Variants in PDE1C observed in about 807,000 individuals in gnomAD.
The protein encoded by PDE1C is phosphodiesterase 1C.
Under a neutral mutation model 93.1 loss-of-function variants are expected in PDE1C, and 62 were observed. The ratio of observed to expected loss-of-function variants is 0.67; its 90% confidence interval spans 0.54 to 0.82. The LOEUF (loss-of-function observed/expected upper bound fraction) is 0.82, where lower values mean the gene tolerates loss of function less well. Ranked by LOEUF, PDE1C falls within the 40% of genes least tolerant of loss-of-function variation. PDE1C has a pLI of 0.00. For missense variants in PDE1C, 742 were observed against 884.6 expected, an observed-to-expected ratio of 0.84 and a Z score of 2.04; for synonymous variants, 325 against 310.1, an observed-to-expected ratio of 1.05 and a Z score of -0.50.
intron 1 of PDE1C, among the ~76,000 whole-genome samples, chr7:32,339,493 T>A (rs1375032591): frequency 6.6e-6 from 1 of 152,218 alleles, no homozygotes. Flanking sequence ...GGTTAGATGA[T>A]ACATTTTACA....
the PDE1C span, among the ~76,000 whole-genome samples, chr7:31,715,859 G>C: frequency 6.6e-6 from 1 of 152,190 alleles, no homozygotes; most frequent in Non-Finnish European, 1.5e-5. Flanking sequence ...ACTGTTCCAT[G>C]AGACTTCTAA....
intron 6 of PDE1C, 99 bp from the exon 7 acceptor site, chr7:31,865,181 T>G: frequency 8.6e-7 from 1 of 1,158,486 alleles, no homozygotes; most frequent in Non-Finnish European, 1.3e-6. Flanking sequence ...TCTGAAGGCA[T>G]AACACATGAG....
At chr7:32,228,241 G>A (rs563453769) in intron 1 of PDE1C, among the ~76,000 whole-genome samples, 7 of 152,276 alleles carry the variant, frequency 4.6e-5, no homozygotes, top group South Asian at 2.1e-4. Context: ...AGACACATGC[G>A]TTGTGTTTCT....
At chr7:31,898,705 T>C (rs1799610236) in intron 2 of PDE1C, among the ~76,000 whole-genome samples, 1 of 152,354 alleles carries the variant, frequency 6.6e-6, no homozygotes, top group South Asian at 2.1e-4. Flanking sequence ...TGCTTATTGC[T>C]AAGCATCTAA....
chr7:31,740,023 T>C, the PDE1C span, among the ~76,000 whole-genome samples: 2 of 152,208 alleles, frequency 1.3e-5, no homozygotes, highest in African/African-American at 4.8e-5. Flanking sequence ...GGCTGTCATT[T>C]CCTATCTTAC....
the PDE1C span, among the ~76,000 whole-genome samples, chr7:31,694,368 GCT>G: frequency 1.2e-4 from 14 of 119,282 alleles, no homozygotes; most frequent in Admixed American, 1.7e-4. Context: ...AACAATTTTA[GCT>G]CTCTCTCTCT....
At chr7:32,372,736 T>A (rs1239265387) in intron 1 of PDE1C, among the ~76,000 whole-genome samples, 4 of 152,148 alleles carry the variant, frequency 2.6e-5, no homozygotes, top group Non-Finnish European at 5.9e-5. Flanking sequence ...TCATACAGAA[T>A]ATACAAGGAA....
chr7:32,415,731 T>TC (rs981600559), intron 1 of PDE1C, among the ~76,000 whole-genome samples: 4 of 151,984 alleles, frequency 2.6e-5, no homozygotes, highest in Non-Finnish European at 1.5e-5. Context: ...AAGCGCTACG[T>TC]CCTTTCCTTC....
At chr7:32,363,622 G>A (rs921598503) in intron 1 of PDE1C, among the ~76,000 whole-genome samples, 1 of 152,162 alleles carries the variant, frequency 6.6e-6, no homozygotes, top group Middle Eastern at 3.2e-3. Flanking sequence ...TTTAACAAAT[G>A]GATCAGAATG....
At chr7:31,780,373 G>C (rs1783313885) in intron 16 of PDE1C, among the ~76,000 whole-genome samples, 1 of 152,138 alleles carries the variant, frequency 6.6e-6, no homozygotes, top group South Asian at 2.1e-4. Flanking sequence ...CTTAGACCCA[G>C]TTTATGGCAT....
At chr7:32,297,267 TG>T (rs1812650257) in intron 1 of PDE1C, among the ~76,000 whole-genome samples, 1 of 152,152 alleles carries the variant, frequency 6.6e-6, no homozygotes, top group Non-Finnish European at 1.5e-5. Context: ...GGTCTCTTCT[TG>T]GCCCTAGTAC....
intron 17 of PDE1C, among the ~76,000 whole-genome samples, chr7:31,766,161 G>C (rs896411997): frequency 1.3e-4 from 20 of 152,140 alleles, no homozygotes; most frequent in African/African-American, 4.8e-4. Flanking sequence ...GAGGCAGGCA[G>C]ATCACGAGGT....
At chr7:32,356,323 G>C (rs941493295) in intron 1 of PDE1C, among the ~76,000 whole-genome samples, 2 of 152,152 alleles carry the variant, frequency 1.3e-5, no homozygotes, top group Non-Finnish European at 2.9e-5. Context: ...CACTCAGAGA[G>C]CAAAGAGAAA....
At chr7:32,013,896 T>C (rs970048212) in intron 2 of PDE1C, among the ~76,000 whole-genome samples, 1 of 152,234 alleles carries the variant, frequency 6.6e-6, no homozygotes, top group African/African-American at 2.4e-5. Flanking sequence ...CATGTGGGCC[T>C]TCCTCAACTG....
At chr7:32,311,051 TA>T (rs1585102366) in intron 1 of PDE1C, among the ~76,000 whole-genome samples, 1 of 152,018 alleles carries the variant, frequency 6.6e-6, no homozygotes, top group South Asian at 2.1e-4. Flanking sequence ...ATAGACGCAA[TA>T]AAAAATGATA....
At chr7:31,761,109 G>A (rs1055005598) in intron 17 of PDE1C, among the ~76,000 whole-genome samples, 1 of 44,226 alleles carries the variant, frequency 2.3e-5, no homozygotes, top group Non-Finnish European at 5.1e-5. Context: ...TTTGGCTAAA[G>A]TAACTGGCCA....
chr7:31,756,585 G>GATA (rs1168038438), intron 17 of PDE1C, among the ~76,000 whole-genome samples: 1 of 151,126 alleles, frequency 6.6e-6, no homozygotes, highest in Non-Finnish European at 1.5e-5. Flanking sequence ...AGGAACTTCA[G>GATA]ATAATAATAA....
intron 1 of PDE1C, among the ~76,000 whole-genome samples, chr7:32,389,250 G>C (rs911136121): frequency 2.7e-5 from 4 of 149,296 alleles, no homozygotes; most frequent in African/African-American, 9.9e-5. Context: ...GAGTCTCACT[G>C]TCTCACCCAG....
At chr7:32,291,363 C>T (rs1812317314) in intron 1 of PDE1C, among the ~76,000 whole-genome samples, 1 of 152,212 alleles carries the variant, frequency 6.6e-6, no homozygotes, top group South Asian at 2.1e-4. Flanking sequence ...TTCTTTCTAA[C>T]AAATATAGCA....
Sources: gnomAD v4.1 joint callset for allele counts (sites outside exome capture counted in the v4.1 genomes callset) on GRCh38, gnomAD v4.1.1 for gene constraint, MANE v1.5 for transcripts, NCBI Gene and HGNC (gene_info 2026-07-23, HGNC 2026-07-21) for gene names.